PCDHGA1: variants seen among roughly 807,000 people sequenced by gnomAD.
PCDHGA1 encodes the protein protocadherin gamma-A1.
A neutral mutation model predicts 58.0 loss-of-function variants in PCDHGA1; 32 were observed. The ratio of observed to expected loss-of-function variants is 0.55; its 90% CI spans 0.42 to 0.74. The LOEUF (loss-of-function observed/expected upper bound fraction) is 0.74. PCDHGA1 is among the 30% of genes least tolerant of loss of function. The probability of loss-of-function intolerance (pLI) is 0.00; values close to 1 mark genes in which losing one functional copy is unlikely to be tolerated. For missense variants in PCDHGA1, 1,205 were observed against 1,182.3 expected (o/e 1.02, Z -0.28); for synonymous variants, 498 against 501.1 (o/e 0.99, Z 0.08).
intron 1 of PCDHGA1, chr5:141,417,227 T>G (rs2096097098): frequency 6.6e-6 from 1 of 152,172 alleles, no homozygotes; most frequent in South Asian, 2.1e-4. Flanking sequence ...ACAAAAAAAT[T>G]TGTTGCTTAT....
chr5:141,432,964 G>A lies in PCDHGA1; in HGVS notation c.2422-61843G>A, dbSNP rs2097554835. On this transcript the variant is annotated intron_variant, in intron 1 of 3. Transcript: ENST00000517417. This position sits in a 1 kb window ranked among gnomAD's most constrained non-coding sequence, Gnocchi z 6.0. Reference sequence around the variant, plus strand: ...CTTCAGGAGGCGGCTTGACAGGAGCGCCGGCGTCGCACTTTGTGGGCGTGG... The same window carrying A: ...CTTCAGGAGGCGGCTTGACAGGAGCACCGGCGTCGCACTTTGTGGGCGTGG... The A allele has an allele frequency of 6.2e-7, 1 of 1,614,044 alleles. No homozygotes were observed. Among genetic ancestry groups the A allele is most frequent in the African/African-American group, 1.3e-5 (1 of 74,934 alleles).
chr5:141,487,857 T>A lies in PCDHGA1; in HGVS notation c.2422-6950T>A. Reference sequence around the variant, plus strand: ...TATCTGAGTAAGAAATGAAAGTAATTGGTGATCAAGAGCCAGGCTGTTGTG... The same window carrying A: ...TATCTGAGTAAGAAATGAAAGTAATAGGTGATCAAGAGCCAGGCTGTTGTG... On this transcript the variant is annotated intron_variant, in intron 1 of 3. Coordinates refer to ENST00000517417, the MANE Select transcript of PCDHGA1 (RefSeq NM_018912.3). The surrounding 1 kb of genome is among the most constrained non-coding windows in gnomAD (Gnocchi z 5.0). The A allele has an allele frequency of 1.0e-6, 1 of 964,674 alleles. No individual in the cohort carries two copies. Among genetic ancestry groups the A allele is most frequent in the Non-Finnish European group, 1.5e-6 (1 of 659,920 alleles). 59.8% of individuals were successfully genotyped at this position (964,674 alleles called of 1,614,324 possible). A position where few individuals can be genotyped will look rare whatever the true frequency, so the allele number is the denominator to read the frequency against.
chr5:141,407,676 T>C (rs990367714), intron 1 of PCDHGA1, among the ~76,000 whole-genome samples: 1 of 152,162 alleles, frequency 6.6e-6, no homozygotes, highest in African/African-American at 2.4e-5. Flanking sequence ...TAAACAAAGA[T>C]TGGCTTTGTG....
intron 1 of PCDHGA1, among the ~76,000 whole-genome samples, chr5:141,349,097 G>A (rs1695448318): frequency 6.6e-6 from 1 of 152,138 alleles, no homozygotes; most frequent in South Asian, 2.1e-4. Context: ...TTGAGACAGA[G>A]TCTTGCTCTG....
At position 141,431,645 on chromosome 5, in the gene PCDHGA1, T is replaced by G. The variant is rs2097404203; in HGVS notation, c.2422-63162T>G. ...GGCGGCCCAAGTTTTCAAACTAGAT[T>G]GTAATTCAGGGACAATATCAACAAT... On this transcript the variant is annotated intron_variant, in intron 1 of 3. Coordinates refer to ENST00000517417, the MANE Select transcript of PCDHGA1 (RefSeq NM_018912.3). This position sits in a 1 kb window ranked among gnomAD's most constrained non-coding sequence, Gnocchi z 4.8. The G allele has an allele frequency of 2.5e-6, 4 of 1,614,236 alleles. No homozygotes were observed. Among genetic ancestry groups the G allele is most frequent in the Non-Finnish European group, 3.4e-6 (4 of 1,180,044 alleles).
At chr5:141,425,253 A>G (rs1019069029) in intron 1 of PCDHGA1, among the ~76,000 whole-genome samples, 12 of 152,196 alleles carry the variant, frequency 7.9e-5, no homozygotes, top group Non-Finnish European at 1.5e-4. Context: ...GATATGAGGT[A>G]TTTGGCTGGG....
Position 141,485,369 on chromosome 5 carries a change from G to T in PCDHGA1, c.2422-9438G>T. On this transcript the variant is annotated intron_variant, in intron 1 of 3. Transcript: ENST00000517417. This position sits in a 1 kb window ranked among gnomAD's most constrained non-coding sequence, Gnocchi z 5.7. ...CAGTCTGTCAGCTCGCAGGCTGCAG[G>T]TCGCTGGAGAGGTGAACCAAAGACA... 1 of 1,614,154 alleles carries T rather than the reference G, an allele frequency of 6.2e-7. No individual in the cohort carries two copies. The highest frequency in any genetic ancestry group is 1.1e-5 in the South Asian group (1 of 91,088).
In PCDHGA1 at chr5:141,491,764, C is replaced by T; in HGVS notation, c.2422-3043C>T. The stretch of plus-strand genomic sequence containing the variant: ...CGGCACTGGAGAAGCCGCCCGTCCT[C>T]ATAAGGGATTGAACTTGCATCCACT... On this transcript the variant is annotated intron_variant, in intron 1 of 3. Transcript: ENST00000517417. The surrounding 1 kb of genome is among the most constrained non-coding windows in gnomAD (Gnocchi z 6.9). The T allele has an allele frequency of 6.4e-7, 1 of 1,570,206 alleles. No homozygotes were observed. Among genetic ancestry groups the T allele is most frequent in the Non-Finnish European group, 8.6e-7 (1 of 1,159,296 alleles).
chr5:141,359,686 A>G (rs1375097963), intron 1 of PCDHGA1, among the ~76,000 whole-genome samples: 1 of 152,128 alleles, frequency 6.6e-6, no homozygotes, highest in East Asian at 1.9e-4. Context: ...TATACAAGAC[A>G]TATCTCCGGA....
chr5:141,345,628 T>G, intron 1 of PCDHGA1: 4 of 1,614,172 alleles, frequency 2.5e-6, no homozygotes, highest in Non-Finnish European at 3.4e-6. Flanking sequence ...AAGCTACTGG[T>G]GACAGCCAGC....
intron 1 of PCDHGA1, chr5:141,403,447 C>G (rs1382965437): frequency 6.2e-7 from 1 of 1,613,924 alleles, no homozygotes; most frequent in Non-Finnish European, 8.5e-7. Context: ...TTGGCGTGAA[C>G]TCCCTCCAGA....
At chr5:141,378,315 G>A (rs933879461) in intron 1 of PCDHGA1, 5 of 152,248 alleles carry the variant, frequency 3.3e-5, no homozygotes, top group African/African-American at 1.2e-4. Context: ...ACGAAGTCAG[G>A]AGTTCGAGAC....
At chr5:141,345,486 G>C in intron 1 of PCDHGA1, 2 of 1,614,008 alleles carry the variant, frequency 1.2e-6, no homozygotes, top group South Asian at 1.1e-5. Context: ...CAACAACAAC[G>C]CCCGCATCAC....
chr5:141,491,895 A>C lies in PCDHGA1; in HGVS notation c.2422-2912A>C. 1.4e-6 allele frequency: 2 copies of C among 1,434,306 alleles called. No individual in the cohort carries two copies. The highest frequency in any genetic ancestry group is 1.8e-6 in the Non-Finnish European group (2 of 1,084,904). 88.8% of individuals were successfully genotyped at this position (1,434,306 alleles called of 1,614,324 possible). Reference sequence around the variant, plus strand: ...CCGATTAAGGGATGGGGCTCCGAGCACCGGGGGTGGTGGCGACTGTGGGCG... The same window carrying C: ...CCGATTAAGGGATGGGGCTCCGAGCCCCGGGGGTGGTGGCGACTGTGGGCG... On this transcript the variant is annotated intron_variant, in intron 1 of 3. Transcript: ENST00000517417. The surrounding 1 kb of genome is among the most constrained non-coding windows in gnomAD (Gnocchi z 6.9).
chr5:141,431,642 G>A lies in PCDHGA1; in HGVS notation c.2422-63165G>A, dbSNP rs762914489. The A allele has an allele frequency of 6.2e-7, 1 of 1,614,272 alleles. No homozygotes were observed. The highest frequency in any genetic ancestry group is 1.1e-5 in the South Asian group (1 of 91,090). On this transcript the variant is annotated intron_variant, in intron 1 of 3. Transcript: ENST00000517417. This position sits in a 1 kb window ranked among gnomAD's most constrained non-coding sequence, Gnocchi z 4.8. ...CAAGGCGGCCCAAGTTTTCAAACTA[G>A]ATTGTAATTCAGGGACAATATCAAC... is the stretch of plus-strand genomic sequence containing the variant.
chr5:141,466,147 G>A (rs2099117729), intron 1 of PCDHGA1, among the ~76,000 whole-genome samples: 1 of 151,722 alleles, frequency 6.6e-6, no homozygotes, highest in South Asian at 2.1e-4. Flanking sequence ...TGAAAACTCT[G>A]GTCTTAAACT....
At chr5:141,357,716 T>G in intron 1 of PCDHGA1, 2 of 1,441,654 alleles carry the variant, frequency 1.4e-6, no homozygotes, top group Non-Finnish European at 1.9e-6. Context: ...TCAAATAAAG[T>G]TGCCTCTTTT....
intron 1 of PCDHGA1, chr5:141,350,468 G>C (rs756415779): frequency 1.2e-6 from 2 of 1,613,906 alleles, no homozygotes; most frequent in Non-Finnish European, 1.7e-6. Flanking sequence ...TAGTGCAGAG[G>C]ATTATTTCAA....
chr5:141,460,092 T>C (rs186695697), intron 1 of PCDHGA1, among the ~76,000 whole-genome samples: 37 of 152,056 alleles, frequency 2.4e-4, no homozygotes, highest in Admixed American at 9.8e-4. Context: ...ATAATAATTA[T>C]ACATGTAATT....
Sources: allele counts gnomAD v4.1 joint callset (sites outside exome capture counted in the v4.1 genomes callset), GRCh38; gene constraint gnomAD v4.1.1; non-coding constraint Gnocchi (gnomAD v3.1); transcripts MANE v1.5; gene names NCBI Gene and HGNC (gene_info 2026-07-23, HGNC 2026-07-21).